PDZRN4: variants seen among roughly 807,000 people sequenced by gnomAD.
The protein encoded by PDZRN4 is PDZ domain containing ring finger 4, also known as PDZ domain-containing RING finger protein 4.
Under a neutral mutation model 99.0 loss-of-function variants are expected in PDZRN4, and 70 were observed. That is an observed-to-expected ratio of 0.71 (90% CI 0.58 to 0.86). The LOEUF is 0.86. Ranked by LOEUF, PDZRN4 falls within the 40% of genes least tolerant of loss-of-function variation. The probability of loss-of-function intolerance (pLI) is 0.00; values close to 1 mark genes in which losing one functional copy is unlikely to be tolerated. For synonymous variants in PDZRN4, 551 were observed against 501.6 expected, an observed-to-expected ratio of 1.10 and a Z score of -1.32; for missense variants, 1,474 against 1,331.2, an observed-to-expected ratio of 1.11 and a Z score of -1.67.
intron 3 of PDZRN4, among the ~76,000 whole-genome samples, chr12:41,503,855 A>T (rs1381311337): frequency 6.6e-6 from 1 of 152,214 alleles, no homozygotes; most frequent in Admixed American, 6.5e-5. Flanking sequence ...TTACCTTCAG[A>T]TATTGGATAA....
At chr12:41,193,000 T>C (rs1215631137) in intron 2 of PDZRN4, among the ~76,000 whole-genome samples, 1 of 152,246 alleles carries the variant, frequency 6.6e-6, no homozygotes, top group Non-Finnish European at 1.5e-5. Context: ...GCATCCTGCA[T>C]TGCAGATGTT....
intron 3 of PDZRN4, among the ~76,000 whole-genome samples, chr12:41,488,696 G>A (rs2120621091): frequency 6.6e-6 from 1 of 152,162 alleles, no homozygotes; most frequent in African/African-American, 2.4e-5. Flanking sequence ...AAAAAATGAA[G>A]CTCTGTTAAG....
intron 8 of PDZRN4, among the ~76,000 whole-genome samples, chr12:41,566,086 C>T (rs1490542111): frequency 1.3e-5 from 2 of 152,216 alleles, no homozygotes; most frequent in East Asian, 3.9e-4. Context: ...GCACCTCCAG[C>T]CTAAAAGAAA....
At chr12:41,191,586 A>T (rs774102341) in intron 2 of PDZRN4, 42 bp downstream of exon 2, 1 of 852,534 alleles carries the variant, frequency 1.2e-6, no homozygotes, top group South Asian at 1.4e-5. Context: ...CTTATAAAAT[A>T]AGCATTAATA....
chr12:41,340,651 T>G (rs948960637), intron 3 of PDZRN4, among the ~76,000 whole-genome samples: 1 of 151,908 alleles, frequency 6.6e-6, no homozygotes, highest in Non-Finnish European at 1.5e-5. Context: ...TTTACCCTGA[T>G]GTGATTATCA....
In PDZRN4 at chr12:41,308,705, T is replaced by A. The variant is rs566097532; in HGVS notation, c.843+114517T>A. Among the ~76,000 whole-genome samples, 4 of 152,338 alleles carry A rather than the reference T, an allele frequency of 2.6e-5. No individual in the cohort carries two copies. The East Asian group carries it at 7.7e-4, about 29-fold the overall frequency. ...CTGATTTTAAAAGCTTTGGGGTATG[T>A]GTTTGTGTTCAAAAAGAGCATGTAC... On this transcript the variant is annotated intron_variant, in intron 3 of 9. Coordinates refer to ENST00000402685, the MANE Select transcript of PDZRN4 (RefSeq NM_001164595.2).
At chr12:41,241,153 C>T (rs77553417) in intron 3 of PDZRN4, among the ~76,000 whole-genome samples, 2,012 of 151,996 alleles carry the variant, frequency 0.013, 42 homozygotes, top group African/African-American at 0.046. Context: ...TGGAATATAC[C>T]TTTATGGGTA....
At chr12:41,492,457 T>C (rs1937906365) in intron 3 of PDZRN4, among the ~76,000 whole-genome samples, 1 of 152,146 alleles carries the variant, frequency 6.6e-6, no homozygotes, top group South Asian at 2.1e-4. Context: ...GGGACGAGTG[T>C]TTACTATTCA....
chr12:41,315,738 T>C lies in PDZRN4; in HGVS notation c.843+121550T>C, dbSNP rs74644208. Among the ~76,000 whole-genome samples, 890 of 152,296 alleles carry C rather than the reference T, an allele frequency of 5.8e-3. 8 individuals are homozygous for C. Among genetic ancestry groups the C allele is most frequent in the African/African-American group, 0.02 (845 of 41,576 alleles). On this transcript the variant is annotated intron_variant, in intron 3 of 9. Transcript: ENST00000402685. ...GAACTATGTATAAGTACTATGTAGG[T>C]AAATTGCCCTGCCCTTATCCTAATT...
rs372327221 is a variant in PDZRN4, at chr12:41,500,063, A to G, written c.844-6393A>G. ...TTATTAAGGAAACACACAAGTCAGGAATCAGCAATACACAGTCAAGCAAGG... is the reference window on the plus strand; with the variant it reads ...TTATTAAGGAAACACACAAGTCAGGGATCAGCAATACACAGTCAAGCAAGG... On this transcript the variant is annotated intron_variant, in intron 3 of 9. Coordinates refer to ENST00000402685, the MANE Select transcript of PDZRN4 (RefSeq NM_001164595.2). Among the ~76,000 whole-genome samples the G allele has an allele frequency of 4.6e-5, 7 of 152,090 alleles. No individual in the cohort carries two copies. In the Middle Eastern group the frequency reaches 0.01, roughly 222 times the overall value.
intron 3 of PDZRN4, among the ~76,000 whole-genome samples, chr12:41,420,544 T>G (rs1952480179): frequency 6.6e-6 from 1 of 152,154 alleles, no homozygotes; most frequent in Non-Finnish European, 1.5e-5. Flanking sequence ...ACTGATACGT[T>G]CCAATCAATA....
intron 3 of PDZRN4, among the ~76,000 whole-genome samples, chr12:41,333,236 G>T (rs1258205563): frequency 1.3e-5 from 2 of 152,120 alleles, no homozygotes; most frequent in African/African-American, 4.8e-5. Context: ...ACAGGTCATC[G>T]TGGGTCTCTG....
intron 6 of PDZRN4, 105 bp downstream of exon 6, chr12:41,552,859 A>C: frequency 1.2e-6 from 1 of 828,940 alleles, no homozygotes; most frequent in Non-Finnish European, 2.0e-6. Context: ...GAATGTGAAG[A>C]ATTGGAGTTG....
chr12:41,522,974 C>T (rs568728772), intron 5 of PDZRN4, among the ~76,000 whole-genome samples: 38 of 152,066 alleles, frequency 2.5e-4, no homozygotes, highest in Middle Eastern at 6.8e-3. Flanking sequence ...AACTTTTATT[C>T]CCAAGATACT....
intron 3 of PDZRN4, among the ~76,000 whole-genome samples, chr12:41,499,925 G>GTAA (rs1460459798): frequency 6.6e-6 from 1 of 151,934 alleles, no homozygotes; most frequent in Non-Finnish European, 1.5e-5. Context: ...TGTTACATAC[G>GTAA]TAAGCATTTC....
At chr12:41,494,581 T>C (rs900944117) in intron 3 of PDZRN4, among the ~76,000 whole-genome samples, 2 of 148,884 alleles carry the variant, frequency 1.3e-5, no homozygotes, top group Admixed American at 6.6e-5. Context: ...TAAATGCATT[T>C]ACTTTATTTT....
intron 3 of PDZRN4, chr12:41,438,045 A>G (rs1253039066): frequency 6.2e-7 from 1 of 1,610,314 alleles, no homozygotes; most frequent in Non-Finnish European, 8.5e-7. Context: ...AGCAACTAAG[A>G]GCCAGGCTTT....
At chr12:41,245,068 C>G (rs1465914877) in intron 3 of PDZRN4, among the ~76,000 whole-genome samples, 1 of 152,122 alleles carries the variant, frequency 6.6e-6, no homozygotes, top group Non-Finnish European at 1.5e-5. Context: ...CCTCAATTAT[C>G]CCATATAAGA....
chr12:41,321,229 C>G (rs1167481038), intron 3 of PDZRN4, among the ~76,000 whole-genome samples: 25 of 152,126 alleles, frequency 1.6e-4, no homozygotes, highest in Admixed American at 1.6e-3. Flanking sequence ...TCCATCTGCT[C>G]TTTTATTCAA....
Sources: allele counts gnomAD v4.1 joint callset (sites outside exome capture counted in the v4.1 genomes callset), GRCh38; gene constraint gnomAD v4.1.1; transcripts MANE v1.5; gene names NCBI Gene and HGNC (gene_info 2026-07-23, HGNC 2026-07-21).